Variants in CBX1 observed in about 807,000 individuals in gnomAD.
CBX1 encodes the protein chromobox 1, also known as chromobox protein homolog 1.
Under a neutral mutation model 25.1 loss-of-function variants are expected in CBX1, and 10 were observed. That is an observed-to-expected ratio of 0.40 (90% CI 0.25 to 0.68). CBX1 has a LOEUF of 0.68. CBX1 is among the 30% of genes least tolerant of loss of function. The pLI, the probability that CBX1 is intolerant of heterozygous loss-of-function variation, is 0.40. For missense variants in CBX1, 106 were observed against 218.5 expected (o/e 0.49, Z 3.25); for synonymous variants, 63 against 79.4 (o/e 0.79, Z 1.10).
chr17:48,074,052 G>A (rs1217687354), intron 4 of CBX1, among the ~76,000 whole-genome samples: 2 of 152,184 alleles, frequency 1.3e-5, no homozygotes, highest in Non-Finnish European at 2.9e-5. Flanking sequence ...GGCAGCTCCA[G>A]TAACTGCCTA....
Position 48,101,247 on chromosome 17 carries a change from C to T in CBX1, c.-38+21G>A, listed in dbSNP as rs1406471247. On this transcript the variant is annotated intron_variant, in intron 1 of 4. Coordinates refer to ENST00000225603, the MANE Select transcript of CBX1 (RefSeq NM_001127228.2). ...GCCGCGCCCCCTCCCCCAGCTCTCC[C>T]GCCTCCAGCGGGCTCCTCACCTCAG... 2.0e-5 allele frequency: 20 copies of T among 989,096 alleles called. No individual in the cohort carries two copies. In the East Asian group the frequency reaches 2.1e-3, roughly 105 times the overall value. 61.3% of individuals were successfully genotyped at this position (989,096 alleles called of 1,614,324 possible). A position where few individuals can be genotyped will look rare whatever the true frequency, so the allele number is the denominator to read the frequency against.
chr17:48,072,065 C>T (rs1460097993), intron 4 of CBX1, among the ~76,000 whole-genome samples: 3 of 150,068 alleles, frequency 2.0e-5, no homozygotes, highest in Non-Finnish European at 4.4e-5. Flanking sequence ...GGCATGATCT[C>T]GGATCACCAC....
chr17:48,075,229 C>G, intron 3 of CBX1, 129 bp from the exon 4 acceptor site: 1 of 648,018 alleles, frequency 1.5e-6, no homozygotes, highest in Non-Finnish European at 2.7e-6. Flanking sequence ...GAATCTCACT[C>G]TGTCGCCCAG....
chr17:48,076,452 C>T (rs1289177056), intron 2 of CBX1, among the ~76,000 whole-genome samples: 1 of 152,102 alleles, frequency 6.6e-6, no homozygotes, highest in Non-Finnish European at 1.5e-5. Flanking sequence ...TGCTTGTAGT[C>T]CCAACACTTT....
intron 4 of CBX1, 81 bp downstream of exon 4, chr17:48,074,925 G>A (rs2037660023): frequency 1.0e-5 from 10 of 986,516 alleles, no homozygotes; most frequent in Admixed American, 3.8e-5. Context: ...TTGGAATTTC[G>A]AAGGTCCAGC....
chr17:48,074,416 C>T (rs947144490), intron 4 of CBX1, among the ~76,000 whole-genome samples: 3 of 152,170 alleles, frequency 2.0e-5, no homozygotes, highest in African/African-American at 7.2e-5. Context: ...GGATAACTAT[C>T]TTCATTAGGC....
At position 48,070,479 on chromosome 17, in the gene CBX1, T is replaced by C. The variant is rs945065710; in HGVS notation, c.*956A>G. The C allele has an allele frequency of 1.3e-5, 2 of 152,728 alleles. No individual in the cohort carries two copies. Among genetic ancestry groups the C allele is most frequent in the East Asian group, 1.9e-4 (1 of 5,174 alleles). 9.5% of individuals were successfully genotyped at this position (152,728 alleles called of 1,614,324 possible). On this transcript the variant is annotated 3_prime_UTR_variant, in exon 5 of 5. Coordinates refer to ENST00000225603, the MANE Select transcript of CBX1 (RefSeq NM_001127228.2). ...CCAAGAGTTTTCCCCACTAAGAGCATGGGCCCTTGTCTTTCCCTACTGTCT... is the reference window on the plus strand; with the variant it reads ...CCAAGAGTTTTCCCCACTAAGAGCACGGGCCCTTGTCTTTCCCTACTGTCT...
intron 1 of CBX1, among the ~76,000 whole-genome samples, chr17:48,085,673 T>C (rs184895609): frequency 3.3e-4 from 50 of 152,316 alleles, no homozygotes; most frequent in African/African-American, 1.1e-3. Context: ...CAGCAGTCTT[T>C]TGAGTCTTTT....
rs542590577 is a variant in CBX1, at chr17:48,084,931, C to A, written c.-37-7890G>T. Among the ~76,000 whole-genome samples the A allele has an allele frequency of 1.4e-4, 21 of 151,822 alleles. 1 individual carries two copies. In the South Asian group the frequency reaches 3.1e-3, roughly 23 times the overall value. On this transcript the variant is annotated intron_variant, in intron 1 of 4. Transcript: ENST00000225603. ...TCTCACAAAAAAAAACAAAAAAAAA[C>A]CAATACTCTCAAGAGTTACTAGTTG...
intron 1 of CBX1, among the ~76,000 whole-genome samples, chr17:48,098,870 G>A (rs1378608362): frequency 3.3e-5 from 5 of 152,074 alleles, no homozygotes; most frequent in African/African-American, 1.2e-4. Context: ...ACCACTAGAG[G>A]ATGCCAAAAT....
At chr17:48,093,087 AAAG>A (rs796471487) in intron 1 of CBX1, among the ~76,000 whole-genome samples, 1,209 of 6,828 alleles carry the variant, frequency 0.18, 105 homozygotes, top group African/African-American at 0.27. Flanking sequence ...AAAAAAAAAA[AAAG>A]AAAAGAAAAG....
intron 1 of CBX1, chr17:48,088,902 T>C (rs1022021009): frequency 1.4e-5 from 2 of 147,106 alleles, no homozygotes; most frequent in Non-Finnish European, 3.0e-5. Context: ...TGAAGAATGC[T>C]GTTTTGACAT....
intron 1 of CBX1, among the ~76,000 whole-genome samples, chr17:48,080,695 G>A (rs1159364762): frequency 6.6e-6 from 1 of 151,256 alleles, no homozygotes; most frequent in Non-Finnish European, 1.5e-5. Flanking sequence ...GACTGAGGCA[G>A]GCAGATCACA....
chr17:48,070,362 A>G lies in CBX1; in HGVS notation c.*1073T>C, dbSNP rs11554926. On this transcript the variant is annotated 3_prime_UTR_variant, in exon 5 of 5. Coordinates refer to ENST00000225603, the MANE Select transcript of CBX1 (RefSeq NM_001127228.2). Reference sequence around the variant, plus strand: ...TGAGACCAAGGCTTTTGAAATCACTAAACTCTTGGATCAATTCAGTGAAAC... The same window carrying G: ...TGAGACCAAGGCTTTTGAAATCACTGAACTCTTGGATCAATTCAGTGAAAC... The G allele has an allele frequency of 3.3e-5, 5 of 152,684 alleles. No homozygotes were observed. The highest frequency in any genetic ancestry group is 2.1e-4 in the South Asian group (1 of 4,822). The allele number at this position is 152,684 out of a possible 1,614,324, so 9.5% of individuals were successfully genotyped here. A position where few individuals can be genotyped will look rare whatever the true frequency, so the allele number is the denominator to read the frequency against.
intron 1 of CBX1, among the ~76,000 whole-genome samples, chr17:48,098,240 ACT>A (rs72205567): frequency 0.012 from 1,745 of 143,922 alleles, 33 homozygotes; most frequent in African/African-American, 0.043. Flanking sequence ...ACAGAGCGAC[ACT>A]CTGTCTTAAA....
intron 1 of CBX1, among the ~76,000 whole-genome samples, chr17:48,079,259 C>A (rs543905066): frequency 2.0e-5 from 3 of 152,194 alleles, no homozygotes; most frequent in African/African-American, 7.2e-5. Context: ...GTGTGTGCCA[C>A]CATGCCCAGC....
intron 1 of CBX1, among the ~76,000 whole-genome samples, chr17:48,080,951 AATATATAT>A (rs1323670486): frequency 0.031 from 1,040 of 33,206 alleles, 20 homozygotes; most frequent in East Asian, 0.046. Flanking sequence ...AAAAAAAAAA[AATATATAT>A]ATATATATAT....
rs763754395 is a variant in CBX1, at chr17:48,076,066, G to A, written c.253C>T (p.Arg85Cys). The A allele has an allele frequency of 5.6e-6, 9 of 1,612,852 alleles. No homozygotes were observed. Among genetic ancestry groups the A allele is most frequent in the East Asian group, 2.2e-5 (1 of 44,878 alleles). The part of the protein sequence containing the change: ...HETDKSEGGK[R>C]KADSDSEDKG... Reference sequence around the variant, plus strand: ...TCTTCAGAATCAGAATCAGCTTTGCGCTTGCCTCCCTCTGATTTATCTGTC... The same window carrying A: ...TCTTCAGAATCAGAATCAGCTTTGCACTTGCCTCCCTCTGATTTATCTGTC... The change falls in exon 3 of 5, where the codon CGC (arginine) becomes TGC (cysteine). Residue 85 changes from arginine to cysteine, a missense_variant. Arg to Cys is a radical substitution (Grantham distance 180, BLOSUM62 -3). Coordinates refer to ENST00000225603, the MANE Select transcript of CBX1 (RefSeq NM_001127228.2).
intron 1 of CBX1, among the ~76,000 whole-genome samples, chr17:48,095,498 G>A (rs566417948): frequency 7.2e-5 from 11 of 152,002 alleles, no homozygotes; most frequent in Non-Finnish European, 1.2e-4. Flanking sequence ...CTGAGGTTGC[G>A]GTGAGCTGAG....
Sources: gnomAD v4.1 joint callset for allele counts (sites outside exome capture counted in the v4.1 genomes callset) on GRCh38, gnomAD v4.1.1 for gene constraint, MANE v1.5 for transcripts, NCBI Gene and HGNC (gene_info 2026-07-23, HGNC 2026-07-21) for gene names.